The following YTHDC2 variants were observed in gnomAD, a reference collection of about 807,000 sequenced individuals.
YTHDC2 encodes YTH N6-methyladenosine RNA binding protein C2.
In YTHDC2, 45 loss-of-function variants were observed where a neutral mutation model predicts 174.9. The observed-to-expected ratio is 0.26, with a 90% confidence interval of 0.20 to 0.33. The LOEUF is 0.33. Ranked by LOEUF, YTHDC2 falls within the 10% of genes least tolerant of loss-of-function variation. The pLI, the probability that YTHDC2 is intolerant of heterozygous loss-of-function variation, is 1.00. For missense variants in YTHDC2, 1,650 were observed against 1,723.7 expected (o/e 0.96, Z 0.76); for synonymous variants, 657 against 574.5 (o/e 1.14, Z -2.05).
At chr5:113,514,327 G>GT (rs1773247293) in intron 1 of YTHDC2, 1 of 687,184 alleles carries the variant, frequency 1.5e-6, no homozygotes, top group East Asian at 2.8e-5. Flanking sequence ...AGCTGAAAGT[G>GT]TTTTTCCCCC....
intron 4 of YTHDC2, 30 bp from the exon 5 acceptor site, chr5:113,532,849 A>G (rs1299873451): frequency 3.2e-6 from 5 of 1,586,570 alleles, no homozygotes; most frequent in Non-Finnish European, 4.3e-6. Flanking sequence ...TGATCATGTC[A>G]TCTTACAGTT....
intron 21 of YTHDC2, among the ~76,000 whole-genome samples, chr5:113,566,449 T>G (rs1400630970): frequency 2.0e-5 from 3 of 149,242 alleles, no homozygotes; most frequent in African/African-American, 7.4e-5. Context: ...AAGTCACCTT[T>G]TTTTTTTTTT....
chr5:113,542,459 C>A lies in YTHDC2; in HGVS notation c.1451C>A (p.Ala484Asp), dbSNP rs199886479. 3 of 1,610,980 alleles carry A rather than the reference C, an allele frequency of 1.9e-6. No homozygotes were observed. Among genetic ancestry groups the A allele is most frequent in the Non-Finnish European group, 1.7e-6 (2 of 1,179,018 alleles). ...ATATGGCTACATAAAGATATTGATG[C>A]CTTTGCTCAGGTCTTTCATCTCATT... ...SDIWLHKDID[A>D]FAQVFHLILT... The change falls in exon 10 of 30, where the codon GCC becomes GAC. Residue 484 changes from alanine to aspartate, a missense_variant. Physicochemically the swap from Ala to Asp is moderately radical, Grantham distance 126 (BLOSUM62 -2). Coordinates refer to ENST00000161863, the MANE Select transcript of YTHDC2 (RefSeq NM_022828.5).
chr5:113,542,540 G>T, intron 10 of YTHDC2, 37 bp downstream of exon 10: 1 of 1,552,660 alleles, frequency 6.4e-7, no homozygotes. Flanking sequence ...TACCCTTACA[G>T]TTATTTATGG....
intron 7 of YTHDC2, among the ~76,000 whole-genome samples, chr5:113,537,893 G>A (rs1428741751): frequency 6.6e-6 from 1 of 152,008 alleles, no homozygotes; most frequent in Non-Finnish European, 1.5e-5. Context: ...TTAACTCCTT[G>A]TAATAATCTT....
In YTHDC2 at chr5:113,513,902, A is replaced by T. The variant is rs777526777; in HGVS notation, c.7A>T (p.Arg3Trp). The change falls in exon 1 of 30, where the codon AGG becomes TGG. Residue 3 changes from arginine to tryptophan, a missense_variant. Around this residue, in one of 5 missense-constraint regions of YTHDC2, gnomAD observed 304 missense variants for 341.4 expected, o/e 0.89. Coordinates refer to ENST00000161863, the MANE Select transcript of YTHDC2 (RefSeq NM_022828.5). Reference protein sequence around the residue: MSRPSSVSPRQPA... With the variant: MSWPSSVSPRQPA... Reference sequence around the variant, plus strand: ...AGACCATCTCTTCAGGGCAATGTCCAGGCCGAGCAGCGTCTCCCCGCGGCA... The same window carrying T: ...AGACCATCTCTTCAGGGCAATGTCCTGGCCGAGCAGCGTCTCCCCGCGGCA... 1 of 1,603,660 alleles carries T rather than the reference A, an allele frequency of 6.2e-7. No individual in the cohort carries two copies. Among genetic ancestry groups the T allele is most frequent in the Non-Finnish European group, 8.5e-7 (1 of 1,176,070 alleles).
intron 17 of YTHDC2, 163 bp downstream of exon 17, chr5:113,556,297 A>G (rs1458250028): frequency 6.8e-6 from 3 of 443,298 alleles, no homozygotes; most frequent in Non-Finnish European, 1.2e-5. Context: ...TACTTCCTTA[A>G]AAGTTGAATG....
intron 10 of YTHDC2, among the ~76,000 whole-genome samples, chr5:113,546,743 A>T (rs888572987): frequency 1.3e-5 from 2 of 152,222 alleles, no homozygotes; most frequent in Non-Finnish European, 2.9e-5. Flanking sequence ...CAAGTCTCTC[A>T]TGAGGTTGCG....
At chr5:113,562,568 A>C (rs1346385176) in intron 18 of YTHDC2, among the ~76,000 whole-genome samples, 1 of 152,182 alleles carries the variant, frequency 6.6e-6, no homozygotes, top group Non-Finnish European at 1.5e-5. Flanking sequence ...CACAGGAAGG[A>C]AGGAACAGGT....
At chr5:113,516,454 T>A (rs1773432123) in intron 2 of YTHDC2, among the ~76,000 whole-genome samples, 1 of 152,236 alleles carries the variant, frequency 6.6e-6, no homozygotes, top group Admixed American at 6.5e-5. Flanking sequence ...ATTTTGTTAA[T>A]AAGGATGGTG....
chr5:113,592,882 C>G (rs967278054), intron 28 of YTHDC2: 1 of 152,368 alleles, frequency 6.6e-6, no homozygotes, highest in Non-Finnish European at 1.5e-5. Flanking sequence ...TAATAATTTT[C>G]AAGATAAGAA....
At chr5:113,543,177 T>C (rs777767638) in intron 10 of YTHDC2, among the ~76,000 whole-genome samples, 2 of 152,176 alleles carry the variant, frequency 1.3e-5, no homozygotes, top group African/African-American at 2.4e-5. Flanking sequence ...GATTTAAATA[T>C]ACCTTATCAC....
chr5:113,557,595 A>G (rs1381731288), intron 17 of YTHDC2, among the ~76,000 whole-genome samples: 2 of 152,132 alleles, frequency 1.3e-5, no homozygotes, highest in Non-Finnish European at 2.9e-5. Flanking sequence ...AGAGTCTGAG[A>G]CTAGCCTGGG....
rs1405473098 is a variant in YTHDC2 at position 113,581,442 on chromosome 5, G to A, written c.3380G>A (p.Arg1127Lys). The A allele has an allele frequency of 2.5e-6, 4 of 1,609,800 alleles. No individual in the cohort carries two copies. The highest frequency in any genetic ancestry group is 3.4e-6 in the Non-Finnish European group (4 of 1,178,346). ...GCAGCTAGTTTATTGCTGCAGCTCA[G>A]ACAGAAGTGGCATAGCTTATTTTTA... ...PEAASLLLQL[R>K]QKWHSLFLRR... Residue 1127 changes from arginine to lysine, a missense_variant, in exon 25 of 30, where the codon AGA becomes AAA. Physicochemically the swap from Arg to Lys is conservative, Grantham distance 26. Around this residue, in one of 5 missense-constraint regions of YTHDC2, gnomAD observed 913 missense variants for 940.4 expected, o/e 0.97. Coordinates refer to ENST00000161863, the MANE Select transcript of YTHDC2 (RefSeq NM_022828.5).
intron 23 of YTHDC2, among the ~76,000 whole-genome samples, chr5:113,573,883 C>CT (rs936776033): frequency 7.2e-5 from 11 of 152,084 alleles, no homozygotes; most frequent in Admixed American, 2.6e-4. Flanking sequence ...TGATTCTTAG[C>CT]TTTTTTGCAT....
chr5:113,553,945 C>G lies in YTHDC2; in HGVS notation c.2056C>G (p.Leu686Val), dbSNP rs544302245. 1.3e-6 allele frequency: 2 copies of G among 1,582,260 alleles called. No individual in the cohort carries two copies. The highest frequency in any genetic ancestry group is 2.4e-5 in the South Asian group (2 of 84,320). ...TTAAAGTAATATCTTGTTGCAGATT[C>G]TTTCCACCAATATTGCTGAAACCAG... ...NPPAGVRKIILSTNIAETSIT... is the reference protein window; with the variant it reads ...NPPAGVRKIIVSTNIAETSIT... The change falls in exon 16 of 30, where the codon CTT becomes GTT. Residue 686 changes from leucine to valine, a missense_variant. This residue lies in a region of YTHDC2 where 913 missense variants were observed against 940.4 expected (regional missense o/e 0.97). Coordinates refer to ENST00000161863, the MANE Select transcript of YTHDC2 (RefSeq NM_022828.5).
At chr5:113,565,673 T>C (rs1406864983) in intron 20 of YTHDC2, 3 of 388,874 alleles carry the variant, frequency 7.7e-6, no homozygotes, top group African/African-American at 6.3e-5. Context: ...TACTTGACAC[T>C]TAGTTCTCTT....
chr5:113,541,181 A>G, intron 9 of YTHDC2, 65 bp downstream of exon 9: 3 of 1,499,086 alleles, frequency 2.0e-6, no homozygotes, highest in Non-Finnish European at 2.7e-6. Flanking sequence ...AGAACATTTT[A>G]TGAGCTTATA....
chr5:113,561,399 ATTT>A, intron 18 of YTHDC2, among the ~76,000 whole-genome samples: 2 of 76,522 alleles, frequency 2.6e-5, no homozygotes, highest in Non-Finnish European at 4.5e-5. Context: ...TCACTTGAAT[ATTT>A]AAATTATGGT....
Sources: gnomAD v4.1 joint callset for allele counts (sites outside exome capture counted in the v4.1 genomes callset) on GRCh38, gnomAD v4.1.1 for gene constraint, gnomAD v4.1.1 regional missense constraint, MANE v1.5 for transcripts, NCBI Gene and HGNC (gene_info 2026-07-23, HGNC 2026-07-21) for gene names.